INSR: variants seen among roughly 807,000 people sequenced by gnomAD.
INSR encodes IR.
INSR carries 67 observed loss-of-function variants against 142.6 expected under a neutral mutation model. The ratio of observed to expected loss-of-function variants is 0.47; its 90% CI spans 0.39 to 0.58. INSR has a LOEUF of 0.58. Among genes scored for constraint, INSR ranks in the 20% least tolerant of loss-of-function variants. The probability of loss-of-function intolerance (pLI) is 0.00; values close to 1 mark genes in which losing one functional copy is unlikely to be tolerated. For missense variants in INSR, 1,248 were observed against 1,833.2 expected, an observed-to-expected ratio of 0.68 and a Z score of 5.83; for synonymous variants, 756 against 743.1, an observed-to-expected ratio of 1.02 and a Z score of -0.28.
At position 7,225,290 on chromosome 19, in the gene INSR, T is replaced by C. The variant is rs763583420; in HGVS notation, c.653-40653A>G. ...TGTTACTGTGGGCCAGTTGCCGTTA[T>C]AGGTGTAAGATGATTCCTCAGGGAG... On this transcript the variant is annotated intron_variant, in intron 2 of 21. Transcript: ENST00000302850. The surrounding 1 kb of genome is among the most constrained non-coding windows in gnomAD (Gnocchi z 4.7). 6.6e-6 allele frequency among the ~76,000 whole-genome samples: 1 copy of C among 152,162 alleles called. No individual in the cohort carries two copies. The highest frequency in any genetic ancestry group is 2.4e-5 in the African/African-American group (1 of 41,436).
intron 1 of INSR, among the ~76,000 whole-genome samples, chr19:7,289,960 G>A (rs1416616146): frequency 6.6e-6 from 1 of 152,184 alleles, no homozygotes; most frequent in Non-Finnish European, 1.5e-5. Flanking sequence ...TGCCAAGATT[G>A]AGAGTTCTGC....
At position 7,150,420 on chromosome 19, in the gene INSR, G is replaced by T; in HGVS notation, c.2267+77C>A. ...TGCAAAAAGCCACAGAAACCCCTGG[G>T]TTCTCCGAGGCATCTGCCTGGCACG... On this transcript the variant is annotated intron_variant, in intron 11 of 21. Coordinates refer to ENST00000302850, the MANE Select transcript of INSR (RefSeq NM_000208.4). The surrounding 1 kb of genome is among the most constrained non-coding windows in gnomAD (Gnocchi z 4.2). The T allele has an allele frequency of 1.5e-6, 2 of 1,371,582 alleles. No homozygotes were observed. Among genetic ancestry groups the T allele is most frequent in the Non-Finnish European group, 1.0e-6 (1 of 964,734 alleles). 85.0% of individuals were successfully genotyped at this position (1,371,582 alleles called of 1,614,324 possible).
rs183219626 is a variant in INSR, at chr19:7,156,703, A to C, written c.2030-3776T>G. ...AACATGCATAGAAAAGGGAATTTAA[A>C]AATTAATAAATGAAGAAGAACACCA... On this transcript the variant is annotated intron_variant, in intron 9 of 21. Transcript: ENST00000302850. 1.2e-4 allele frequency among the ~76,000 whole-genome samples: 19 copies of C among 152,302 alleles called. No homozygotes were observed. The East Asian group carries it at 3.7e-3, about 29-fold the overall frequency.
chr19:7,202,996 G>GTTTTTTTTTTTT (rs371572449), intron 2 of INSR, among the ~76,000 whole-genome samples: 17 of 67,750 alleles, frequency 2.5e-4, no homozygotes, highest in South Asian at 4.8e-4. Flanking sequence ...GGGTTTTGTT[G>GTTTTTTTTTTTT]TTTTTTTTTT....
In INSR at chr19:7,132,168, C is replaced by A; in HGVS notation, c.2832G>T (p.Val944=). 6.2e-7 allele frequency: 1 copy of A among 1,614,116 alleles called. No individual in the cohort carries two copies. The highest frequency in any genetic ancestry group is 8.5e-7 in the Non-Finnish European group (1 of 1,179,980). ...GCCATGGAGACTTACAATAGTCTGT[C>A]ACGTAGAAATAGGTGGGTTCCGTCC... ...GSWTEPTYFY[V]TDYLDVPSNI... is the part of the protein sequence containing the mutation. The change falls in exon 14 of 22, where the codon GTG becomes GTT. Residue 944 remains valine, a synonymous_variant. Coordinates refer to ENST00000302850, the MANE Select transcript of INSR (RefSeq NM_000208.4).
intron 2 of INSR, among the ~76,000 whole-genome samples, chr19:7,185,660 T>C (rs1477252856): frequency 6.6e-6 from 1 of 150,964 alleles, no homozygotes; most frequent in Non-Finnish European, 1.5e-5. Context: ...CTGGTCAACA[T>C]GGTGAAACCC....
chr19:7,145,214 CTT>C (rs1973161089), intron 11 of INSR, among the ~76,000 whole-genome samples: 2 of 138,658 alleles, frequency 1.4e-5, no homozygotes, highest in South Asian at 4.7e-4. Flanking sequence ...ACAACTTACT[CTT>C]TTCCATTTGC....
At chr19:7,118,598 G>A (rs1276704826) in intron 21 of INSR, among the ~76,000 whole-genome samples, 3 of 151,948 alleles carry the variant, frequency 2.0e-5, no homozygotes, top group Admixed American at 6.6e-5. Context: ...GATTACAGGC[G>A]TGAGCCACCC....
chr19:7,291,190 C>T (rs1303716619), intron 1 of INSR, among the ~76,000 whole-genome samples: 1 of 152,202 alleles, frequency 6.6e-6, no homozygotes, highest in African/African-American at 2.4e-5. Flanking sequence ...TGTTCACCAT[C>T]ACCCCAATCG....
chr19:7,181,501 A>G (rs1487953036), intron 3 of INSR, among the ~76,000 whole-genome samples: 2 of 152,084 alleles, frequency 1.3e-5, no homozygotes, highest in African/African-American at 4.8e-5. Flanking sequence ...CATCTCAGGA[A>G]GCAGCACTGT....
In INSR at chr19:7,164,739, T is replaced by G. The variant is rs1973850124; in HGVS notation, c.1861+1415A>C. On this transcript the variant is annotated intron_variant, in intron 8 of 21. Coordinates refer to ENST00000302850, the MANE Select transcript of INSR (RefSeq NM_000208.4). ...TACTCGGGAGGCTGAGGCAGGAGAA[T>G]CGCTTGAACCCGGGAGGCAGAGGTT... 2.1e-5 allele frequency among the ~76,000 whole-genome samples: 3 copies of G among 141,350 alleles called. No homozygotes were observed. The Admixed American group carries it at 2.3e-4, about 11-fold the overall frequency. 92.7% of individuals were successfully genotyped at this position (141,350 alleles called of 152,430 possible).
chr19:7,181,560 CT>C (rs369084103), intron 3 of INSR, among the ~76,000 whole-genome samples: 35,480 of 136,816 alleles, frequency 0.26, 3,888 homozygotes, highest in Non-Finnish European at 0.28. Context: ...ATGGTGAGAC[CT>C]TTTTTTTTTT....
At chr19:7,128,346 G>C (rs559595177) in intron 15 of INSR, among the ~76,000 whole-genome samples, 2 of 151,728 alleles carry the variant, frequency 1.3e-5, no homozygotes, top group South Asian at 4.2e-4. Flanking sequence ...TGAGTAGCTG[G>C]GATTACAGGC....
At chr19:7,249,362 T>C (rs1822925577) in intron 2 of INSR, among the ~76,000 whole-genome samples, 1 of 152,182 alleles carries the variant, frequency 6.6e-6, no homozygotes, top group Non-Finnish European at 1.5e-5. Flanking sequence ...TTCTCGCTTA[T>C]AAAAATAATT....
intron 2 of INSR, among the ~76,000 whole-genome samples, chr19:7,210,001 C>T (rs1256942343): frequency 6.6e-6 from 1 of 152,022 alleles, no homozygotes; most frequent in Non-Finnish European, 1.5e-5. Context: ...ATGAACGTGA[C>T]CACAGAAGAA....
chr19:7,214,598 C>T (rs988225872), intron 2 of INSR, among the ~76,000 whole-genome samples: 9 of 152,122 alleles, frequency 5.9e-5, no homozygotes, highest in South Asian at 2.1e-4. Flanking sequence ...GGTTTTAAAC[C>T]TCTATCATCG....
chr19:7,148,965 TTA>T (rs1973252587), intron 11 of INSR, among the ~76,000 whole-genome samples: 1 of 149,916 alleles, frequency 6.7e-6, no homozygotes, highest in Non-Finnish European at 1.5e-5. Context: ...CGGCTAATTT[TTA>T]TGTTTCTTGT....
rs530712885 is a variant in INSR, at chr19:7,196,322, GA to G, written c.653-11686del. On this transcript the variant is annotated intron_variant, in intron 2 of 21. Coordinates refer to ENST00000302850, the MANE Select transcript of INSR (RefSeq NM_000208.4). ...CAACTAACTCTCAAATAGTTCAGGGGAAAAAAATGTATATAATGTGTGTGCA... is the reference window on the plus strand; with the variant it reads ...CAACTAACTCTCAAATAGTTCAGGGGAAAAAATGTATATAATGTGTGTGCA... 5.3e-4 allele frequency among the ~76,000 whole-genome samples: 80 copies of G among 152,100 alleles called. No homozygotes were observed. In the South Asian group the frequency reaches 6.0e-3, roughly 11 times the overall value.
chr19:7,173,334 T>C (rs1399158840), intron 4 of INSR, among the ~76,000 whole-genome samples: 1 of 152,136 alleles, frequency 6.6e-6, no homozygotes, highest in African/African-American at 2.4e-5. Context: ...TTTCTTTTTT[T>C]TTGAAATGGA....
Sources: gnomAD v4.1 joint callset for allele counts (sites outside exome capture counted in the v4.1 genomes callset) on GRCh38, gnomAD v4.1.1 for gene constraint, Gnocchi (gnomAD v3.1) non-coding constraint, MANE v1.5 for transcripts, NCBI Gene and HGNC (gene_info 2026-07-23, HGNC 2026-07-21) for gene names.